PHAF1: variants seen among roughly 807,000 people sequenced by gnomAD.
The protein encoded by PHAF1 is phagophore assembly factor 1.
Under a neutral mutation model 63.1 loss-of-function variants are expected in PHAF1, and 23 were observed. The ratio of observed to expected loss-of-function variants is 0.36; its 90% confidence interval spans 0.26 to 0.52. The LOEUF is 0.52. PHAF1 is among the 20% of genes least tolerant of loss of function. The pLI, the probability that PHAF1 is intolerant of heterozygous loss-of-function variation, is 0.93. For synonymous variants in PHAF1, 167 were observed against 185.0 expected (o/e 0.90, Z 0.79); for missense variants, 427 against 517.2 (o/e 0.83, Z 1.69).
Position 67,140,021 on chromosome 16 carries a change from G to A in PHAF1, c.699G>A (p.Arg233=), listed in dbSNP as rs146054792. ...GPGLLADAKM[R]VFERSVYFGD... The stretch of plus-strand genomic sequence containing the variant: ...GCCTATTAGCAGATGCCAAGATGCG[G>A]GTATTTGAACGTTCAGTGTATTTTG... The change falls in exon 9 of 16, where the codon CGG becomes CGA. Residue 233 remains arginine (R), a synonymous_variant. Transcript: ENST00000219139. The A allele has an allele frequency of 5.6e-6, 9 of 1,613,976 alleles. No individual in the cohort carries two copies. The East Asian group carries it at 1.8e-4, about 32-fold the overall frequency.
At chr16:67,117,717 A>G (rs1028143989) in intron 1 of PHAF1, among the ~76,000 whole-genome samples, 1 of 150,026 alleles carries the variant, frequency 6.7e-6, no homozygotes, top group Non-Finnish European at 1.5e-5. Flanking sequence ...CGGAAATCGC[A>G]CCATTGCACT....
chr16:67,132,600 C>T (rs763404145), intron 5 of PHAF1, 75 bp downstream of exon 5: 2 of 1,460,598 alleles, frequency 1.4e-6, no homozygotes, highest in African/African-American at 2.8e-5. Context: ...TAGTGCCATC[C>T]CACCCCACTT....
intron 1 of PHAF1, 25 bp from the exon 2 acceptor site, chr16:67,120,087 A>G: frequency 1.2e-6 from 2 of 1,606,672 alleles, no homozygotes; most frequent in Non-Finnish European, 1.7e-6. Flanking sequence ...CAAAATAACC[A>G]CATAGGTGTC....
At chr16:67,125,387 A>G (rs1349928623) in intron 2 of PHAF1, among the ~76,000 whole-genome samples, 2 of 152,200 alleles carry the variant, frequency 1.3e-5, no homozygotes, top group Non-Finnish European at 2.9e-5. Flanking sequence ...GAGAAAAAGG[A>G]TAAGAGGGTC....
rs1963500993 is a variant in PHAF1 at position 67,133,720 on chromosome 16, CAGTG to C, written c.451-445_451-442del. On this transcript the variant is annotated intron_variant, in intron 6 of 15. Coordinates refer to ENST00000219139, the MANE Select transcript of PHAF1 (RefSeq NM_025187.5). ...GCGTGAACCCGGGAGGCGGAGCTTG[CAGTG>C]AGCCGAGATCATGCCACTGCACTCT... Among the ~76,000 whole-genome samples, 6 of 150,742 alleles carry C rather than the reference CAGTG, an allele frequency of 4.0e-5. No individual in the cohort carries two copies. The South Asian group carries it at 1.3e-3, about 32-fold the overall frequency.
chr16:67,131,430 A>ACAG, intron 4 of PHAF1, 101 bp downstream of exon 4: 1 of 887,806 alleles, frequency 1.1e-6, no homozygotes. Flanking sequence ...CACAGATGTG[A>ACAG]ATTATAGCCT....
chr16:67,145,666 A>G, intron 14 of PHAF1, 38 bp downstream of exon 14: 1 of 1,592,306 alleles, frequency 6.3e-7, no homozygotes, highest in Non-Finnish European at 8.5e-7. Flanking sequence ...ACCCCACCTG[A>G]CTCCTCAGAG....
At position 67,139,969 on chromosome 16, in the gene PHAF1, T is replaced by C; in HGVS notation, c.662-15T>C. 6.2e-7 allele frequency: 1 copy of C among 1,613,974 alleles called. No individual in the cohort carries two copies. The highest frequency in any genetic ancestry group is 8.5e-7 in the Non-Finnish European group (1 of 1,179,962). On this transcript the variant is annotated splice_polypyrimidine_tract_variant and intron_variant, in intron 8 of 15. Transcript: ENST00000219139. The stretch of plus-strand genomic sequence containing the variant: ...TAACCATAACCTGACAACCTCTCTG[T>C]CTTGTTTTTTGCAGGTTGTGGACCT...
chr16:67,120,738 T>C (rs1962938465), intron 2 of PHAF1, among the ~76,000 whole-genome samples: 1 of 151,958 alleles, frequency 6.6e-6, no homozygotes, highest in African/African-American at 2.4e-5. Flanking sequence ...GAACAGCCTT[T>C]GTGGTGTCCT....
At chr16:67,141,434 G>A (rs1190015506) in intron 10 of PHAF1, among the ~76,000 whole-genome samples, 1 of 152,186 alleles carries the variant, frequency 6.6e-6, no homozygotes, top group African/African-American at 2.4e-5. Context: ...TTTCCAGCTG[G>A]AAACTACTTT....
At chr16:67,131,698 C>G (rs1963407436) in intron 4 of PHAF1, among the ~76,000 whole-genome samples, 1 of 152,224 alleles carries the variant, frequency 6.6e-6, no homozygotes, top group Non-Finnish European at 1.5e-5. Flanking sequence ...CCAGATAGGT[C>G]TGACTCCAAA....
chr16:67,146,938 C>A, intron 15 of PHAF1, 107 bp from the exon 16 acceptor site: 1 of 1,053,218 alleles, frequency 9.5e-7, no homozygotes, highest in Non-Finnish European at 1.5e-6. Context: ...TCGGGAAACC[C>A]AGCCATTAGG....
chr16:67,140,693 G>A (rs1054154248), intron 10 of PHAF1, 99 bp downstream of exon 10: 25 of 973,560 alleles, frequency 2.6e-5, no homozygotes, highest in Non-Finnish European at 4.8e-6. Context: ...ACCATGCCTG[G>A]ACATTGGGGA....
chr16:67,144,346 C>T lies in PHAF1; in HGVS notation c.932C>T (p.Thr311Ile). The T allele has an allele frequency of 1.9e-6, 3 of 1,611,004 alleles. No homozygotes were observed. Among genetic ancestry groups the T allele is most frequent in the Non-Finnish European group, 2.5e-6 (3 of 1,177,154 alleles). Residue 311 changes from threonine (T) to isoleucine (I), a missense_variant, in exon 11 of 16, where the codon ACC becomes ATC. Coordinates refer to ENST00000219139, the MANE Select transcript of PHAF1 (RefSeq NM_025187.5). ...THKVKKFVLH[T>I]NYPGHYNFNI... ...AAAGTGAAGAAGTTTGTTCTACACACCAATTACCCTGGGCATTATAATTTC... is the reference window on the plus strand; with the variant it reads ...AAAGTGAAGAAGTTTGTTCTACACATCAATTACCCTGGGCATTATAATTTC...
At position 67,147,219 on chromosome 16, in the gene PHAF1, T is replaced by C; in HGVS notation, c.*88T>C. 1.5e-6 allele frequency: 2 copies of C among 1,301,094 alleles called. No homozygotes were observed. The highest frequency in any genetic ancestry group is 1.3e-5 in the South Asian group (1 of 79,666). The allele number at this position is 1,301,094 out of a possible 1,614,324, so 80.6% of individuals were successfully genotyped here. ...CTCTGTACCACCCTGTGGGTTTTCTTGGACACCTGGCCAGTGCTGAAGGGC... is the reference window on the plus strand; with the variant it reads ...CTCTGTACCACCCTGTGGGTTTTCTCGGACACCTGGCCAGTGCTGAAGGGC... On this transcript the variant is annotated 3_prime_UTR_variant, in exon 16 of 16. Transcript: ENST00000219139.
Position 67,110,009 on chromosome 16 carries a change from G to C in PHAF1, c.-167G>C. 1.6e-6 allele frequency: 1 copy of C among 644,866 alleles called. No individual in the cohort carries two copies. The highest frequency in any genetic ancestry group is 2.7e-6 in the Non-Finnish European group (1 of 371,492). The allele number at this position is 644,866 out of a possible 1,614,324, so 39.9% of individuals were successfully genotyped here. ...CTGCAGGTGAGGTGAAGTGAGGTGA[G>C]GTGTGGTGTTGGGCCGGTGCTGCTG... On this transcript the variant is annotated 5_prime_UTR_variant, in exon 1 of 16. Coordinates refer to ENST00000219139, the MANE Select transcript of PHAF1 (RefSeq NM_025187.5).
At chr16:67,113,008 C>T (rs2145812051) in intron 1 of PHAF1, among the ~76,000 whole-genome samples, 1 of 152,266 alleles carries the variant, frequency 6.6e-6, no homozygotes, top group Non-Finnish European at 1.5e-5. Context: ...AATTACATGC[C>T]TAGGCTAGTG....
At position 67,147,092 on chromosome 16, in the gene PHAF1, C is replaced by A. The variant is rs533596746; in HGVS notation, c.1230C>A (p.Pro410=). 6.2e-7 allele frequency: 1 copy of A among 1,614,088 alleles called. No homozygotes were observed. The highest frequency in any genetic ancestry group is 1.1e-5 in the South Asian group (1 of 91,078). ...HIASVTLYGP[P]RPGSHLRTAE... ...CCTCGGTGACCCTGTATGGCCCCCCCAGGCCTGGTAGCCACCTGAGAACAG... is the reference window on the plus strand; with the variant it reads ...CCTCGGTGACCCTGTATGGCCCCCCAAGGCCTGGTAGCCACCTGAGAACAG... The change falls in exon 16 of 16, where the codon CCC becomes CCA. Residue 410 remains proline, a synonymous_variant. Transcript: ENST00000219139.
At chr16:67,131,872 C>T (rs917764647) in intron 4 of PHAF1, 3 of 152,302 alleles carry the variant, frequency 2.0e-5, no homozygotes, top group African/African-American at 7.2e-5. Flanking sequence ...TCCTTTCTTT[C>T]TTTCTTTCTT....
Sources: gnomAD v4.1 joint callset for allele counts (sites outside exome capture counted in the v4.1 genomes callset) on GRCh38, gnomAD v4.1.1 for gene constraint, MANE v1.5 for transcripts, NCBI Gene and HGNC (gene_info 2026-07-23, HGNC 2026-07-21) for gene names.